VTI1A: variants seen among roughly 807,000 people sequenced by gnomAD.
The protein encoded by VTI1A is vesicle transport through interaction with t-SNAREs 1A, also known as vesicle transport through interaction with t-SNAREs homolog 1A.
In VTI1A, 22 loss-of-function variants were observed where a neutral mutation model predicts 34.9. That is an observed-to-expected ratio of 0.63 (90% CI 0.45 to 0.90). VTI1A has a LOEUF of 0.90. Ranked by LOEUF, VTI1A falls within the 40% of genes least tolerant of loss-of-function variation. VTI1A has a pLI of 0.00. For synonymous variants in VTI1A, 87 were observed against 97.3 expected (o/e 0.89, Z 0.62); for missense variants, 268 against 275.6 (o/e 0.97, Z 0.20).
rs181607605 is a variant in VTI1A, at chr10:112,768,577, A to G, written c.561-46713A>G. On this transcript the variant is annotated intron_variant, in intron 7 of 7. Transcript: ENST00000393077. The stretch of plus-strand genomic sequence containing the variant: ...CTATCTGTTCTGGTTCTCCGATGCC[A>G]CAAAGAAAGCATCTTCAGAAACCAG... Among the ~76,000 whole-genome samples, 23 of 152,272 alleles carry G rather than the reference A, an allele frequency of 1.5e-4. No individual in the cohort carries two copies. The East Asian group carries it at 3.7e-3, about 24-fold the overall frequency.
At chr10:112,828,842 G>A in the VTI1A span, among the ~76,000 whole-genome samples, 1 of 146,356 alleles carries the variant, frequency 6.8e-6, no homozygotes, top group African/African-American at 2.6e-5. Flanking sequence ...TGAGACCTGG[G>A]TCTCAAAAAA....
chr10:112,462,139 T>C (rs1847748521), intron 2 of VTI1A, among the ~76,000 whole-genome samples: 1 of 152,220 alleles, frequency 6.6e-6, no homozygotes, highest in Admixed American at 6.5e-5. Context: ...CCTGAGCCAC[T>C]GTGCGCAGCC....
intron 7 of VTI1A, among the ~76,000 whole-genome samples, chr10:112,791,500 G>A (rs1381465932): frequency 6.6e-6 from 1 of 152,074 alleles, no homozygotes; most frequent in Non-Finnish European, 1.5e-5. Context: ...ATGTGCTGCA[G>A]GCAGAAGTTC....
chr10:112,491,192 G>C (rs1053659347), intron 3 of VTI1A, among the ~76,000 whole-genome samples: 2 of 152,184 alleles, frequency 1.3e-5, no homozygotes, highest in African/African-American at 4.8e-5. Context: ...TCTAAAAAAA[G>C]GACATATTTC....
chr10:112,683,530 A>G (rs1848294350), intron 7 of VTI1A, among the ~76,000 whole-genome samples: 1 of 152,228 alleles, frequency 6.6e-6, no homozygotes, highest in Non-Finnish European at 1.5e-5. Context: ...ATATTAAAGG[A>G]ATTTTTAAAT....
At chr10:112,471,647 T>G (rs1189430244) in intron 3 of VTI1A, among the ~76,000 whole-genome samples, 1 of 152,116 alleles carries the variant, frequency 6.6e-6, no homozygotes. Flanking sequence ...TAAAAATGTA[T>G]TTAATAGTCT....
chr10:112,602,913 T>C (rs1352543745), intron 5 of VTI1A, among the ~76,000 whole-genome samples: 1 of 152,238 alleles, frequency 6.6e-6, no homozygotes, highest in African/African-American at 2.4e-5. Flanking sequence ...TTGAAACTAT[T>C]GTCCAAATAG....
intron 3 of VTI1A, among the ~76,000 whole-genome samples, chr10:112,516,067 C>T (rs921317182): frequency 6.6e-6 from 1 of 151,990 alleles, no homozygotes. Flanking sequence ...AGATAAGTGC[C>T]CTCTGTTGCC....
the VTI1A span, among the ~76,000 whole-genome samples, chr10:112,846,575 G>T: frequency 1.0e-3 from 155 of 152,186 alleles, 1 homozygote; most frequent in Admixed American, 0.01. Context: ...GACCATCCTG[G>T]CCAACATGGT....
chr10:112,661,712 G>A (rs1182486354), intron 5 of VTI1A, among the ~76,000 whole-genome samples: 1 of 150,254 alleles, frequency 6.7e-6, no homozygotes, highest in African/African-American at 2.4e-5. Context: ...GAAAATTCAG[G>A]CTTCATTCTT....
At position 112,464,765 on chromosome 10, in the gene VTI1A, A is replaced by G. The variant is rs1428209576; in HGVS notation, c.264+108A>G. On this transcript the variant is annotated intron_variant, in intron 3 of 7. Transcript: ENST00000393077. ...AGTCTTTTGGGCTCATGTAGAAGAC[A>G]AGTAACAGCTTTCATTCTTTATGAG... 9.0e-6 allele frequency: 8 copies of G among 892,082 alleles called. No homozygotes were observed. The East Asian group carries it at 2.1e-4, about 24-fold the overall frequency. The allele number at this position is 892,082 out of a possible 1,614,324, so 55.3% of individuals were successfully genotyped here. A position where few individuals can be genotyped will look rare whatever the true frequency, so the allele number is the denominator to read the frequency against.
At chr10:112,674,558 T>C (rs1847964421) in intron 7 of VTI1A, among the ~76,000 whole-genome samples, 1 of 152,206 alleles carries the variant, frequency 6.6e-6, no homozygotes, top group Non-Finnish European at 1.5e-5. Context: ...ATTTTTGCTC[T>C]AGTGTCAGAC....
intron 3 of VTI1A, among the ~76,000 whole-genome samples, chr10:112,472,220 C>T (rs1848114160): frequency 6.6e-6 from 1 of 152,146 alleles, no homozygotes; most frequent in African/African-American, 2.4e-5. Context: ...TCACTTCTAT[C>T]CCAGGTCAGT....
At chr10:112,666,682 C>A (rs1220934794) in intron 5 of VTI1A, among the ~76,000 whole-genome samples, 1 of 152,098 alleles carries the variant, frequency 6.6e-6, no homozygotes, top group Non-Finnish European at 1.5e-5. Context: ...ATAACATCAA[C>A]TTGGTGAGAA....
intron 7 of VTI1A, among the ~76,000 whole-genome samples, chr10:112,781,308 A>G (rs1852119174): frequency 6.6e-6 from 1 of 152,160 alleles, no homozygotes; most frequent in Non-Finnish European, 1.5e-5. Flanking sequence ...AGAAAAGCTC[A>G]GTCCTACAGC....
At chr10:112,497,453 A>G (rs548212518) in intron 3 of VTI1A, among the ~76,000 whole-genome samples, 3 of 152,138 alleles carry the variant, frequency 2.0e-5, no homozygotes, top group South Asian at 2.1e-4. Context: ...CAGTTTTCCT[A>G]TCTGTAAAAT....
intron 3 of VTI1A, among the ~76,000 whole-genome samples, chr10:112,518,583 C>A (rs377005154): frequency 0.074 from 6,074 of 82,124 alleles, 139 homozygotes; most frequent in African/African-American, 0.13. Flanking sequence ...CTCTCTCTCT[C>A]TCTCTCTATA....
chr10:112,575,000 G>A (rs1157674077), intron 5 of VTI1A, among the ~76,000 whole-genome samples: 1 of 152,168 alleles, frequency 6.6e-6, no homozygotes, highest in African/African-American at 2.4e-5. Context: ...AGGCCCTGAT[G>A]TGTTAAGTAG....
At chr10:112,647,620 G>C (rs1209231017) in intron 5 of VTI1A, among the ~76,000 whole-genome samples, 1 of 152,094 alleles carries the variant, frequency 6.6e-6, no homozygotes, top group East Asian at 1.9e-4. Flanking sequence ...TGTGTTAACT[G>C]GTGTTTCATT....
Sources: allele counts gnomAD v4.1 joint callset (sites outside exome capture counted in the v4.1 genomes callset), GRCh38; gene constraint gnomAD v4.1.1; transcripts MANE v1.5; gene names NCBI Gene and HGNC (gene_info 2026-07-23, HGNC 2026-07-21).